Variants in MEI1 observed in about 807,000 individuals in gnomAD.
MEI1 encodes meiotic double-stranded break formation protein 1.
In MEI1, 103 loss-of-function variants were observed where a neutral mutation model predicts 146.2. The ratio of observed to expected loss-of-function variants is 0.70; its 90% CI spans 0.60 to 0.83. MEI1 has a LOEUF of 0.83. MEI1 is among the 40% of genes least tolerant of loss of function. MEI1 has a pLI of 0.00. For synonymous variants in MEI1, 652 were observed against 628.2 expected, an observed-to-expected ratio of 1.04 and a Z score of -0.57; for missense variants, 1,529 against 1,533.0, an observed-to-expected ratio of 1.00 and a Z score of 0.04.
intron 28 of MEI1, 83 bp downstream of exon 28, chr22:41,794,560 G>C: frequency 8.8e-7 from 1 of 1,133,366 alleles, no homozygotes; most frequent in Non-Finnish European, 1.3e-6. Context: ...CCTTACTTTA[G>C]GTAACCCTAA....
intron 8 of MEI1, 75 bp from the exon 9 acceptor site, chr22:41,730,446 A>G (rs1056129973): frequency 1.0e-6 from 1 of 957,956 alleles, no homozygotes; most frequent in African/African-American, 1.6e-5. Flanking sequence ...GAATAAATCC[A>G]AGGCCTTAGC....
intron 3 of MEI1, among the ~76,000 whole-genome samples, chr22:41,706,332 T>C (rs1005304857): frequency 1.1e-4 from 16 of 152,244 alleles, no homozygotes; most frequent in African/African-American, 3.6e-4. Flanking sequence ...ATTTTTTCCT[T>C]GGGTATTTAC....
intron 3 of MEI1, among the ~76,000 whole-genome samples, chr22:41,707,006 C>T (rs1281043266): frequency 1.5e-5 from 2 of 134,334 alleles, no homozygotes. Flanking sequence ...GCCTGGCCAA[C>T]ATGGTGAAAC....
In MEI1 at chr22:41,771,046, C is replaced by G. The variant is rs2148050240; in HGVS notation, c.2544+85C>G. On this transcript the variant is annotated intron_variant, in intron 20 of 30. Transcript: ENST00000401548. Reference sequence around the variant, plus strand: ...CCGGTTTACTGAGGTCAGGAGGCACCCACATCTGCTTCAGCCCACCTCCAG... The same window carrying G: ...CCGGTTTACTGAGGTCAGGAGGCACGCACATCTGCTTCAGCCCACCTCCAG... The G allele has an allele frequency of 2.7e-6, 4 of 1,455,240 alleles. No individual in the cohort carries two copies. In the East Asian group the frequency reaches 9.1e-5, roughly 33 times the overall value. 90.1% of individuals were successfully genotyped at this position (1,455,240 alleles called of 1,614,324 possible). A position where few individuals can be genotyped will look rare whatever the true frequency, so the allele number is the denominator to read the frequency against.
chr22:41,769,532 G>A (rs1348294013), intron 19 of MEI1, among the ~76,000 whole-genome samples: 1 of 151,838 alleles, frequency 6.6e-6, no homozygotes, highest in Non-Finnish European at 1.5e-5. Context: ...GAGTGCAATG[G>A]CGTGATCTTG....
chr22:41,724,699 G>C (rs1293946168), intron 7 of MEI1, among the ~76,000 whole-genome samples: 1 of 152,122 alleles, frequency 6.6e-6, no homozygotes, highest in Non-Finnish European at 1.5e-5. Context: ...GCTGAGGTGG[G>C]AGGATTGCTC....
intron 12 of MEI1, among the ~76,000 whole-genome samples, chr22:41,743,806 G>C (rs771049593): frequency 6.6e-6 from 1 of 152,124 alleles, no homozygotes; most frequent in Non-Finnish European, 1.5e-5. Flanking sequence ...ACAGCTTTCT[G>C]CATATAATAG....
At chr22:41,741,354 TAGTC>T (rs2072854182) in intron 11 of MEI1, among the ~76,000 whole-genome samples, 1 of 152,202 alleles carries the variant, frequency 6.6e-6, no homozygotes, top group Admixed American at 6.5e-5. Context: ...CCCTGTGAAA[TAGTC>T]ATTCATTCAT....
intron 19 of MEI1, among the ~76,000 whole-genome samples, chr22:41,764,221 A>G (rs1175867135): frequency 6.6e-6 from 1 of 152,110 alleles, no homozygotes; most frequent in African/African-American, 2.4e-5. Context: ...CGGCCTCCCA[A>G]AGTGCTGGGA....
intron 3 of MEI1, among the ~76,000 whole-genome samples, chr22:41,713,254 G>C (rs1278016621): frequency 6.6e-6 from 1 of 152,102 alleles, no homozygotes; most frequent in Non-Finnish European, 1.5e-5. Flanking sequence ...GAGGACTGCT[G>C]AAGCCCAGGC....
chr22:41,770,517 A>C (rs2075117523), intron 19 of MEI1, among the ~76,000 whole-genome samples, 169 bp from the exon 20 acceptor site: 1 of 152,134 alleles, frequency 6.6e-6, no homozygotes, highest in South Asian at 2.1e-4. Flanking sequence ...TTCTGTTATA[A>C]GGTAAGTACA....
intron 18 of MEI1, among the ~76,000 whole-genome samples, chr22:41,760,137 G>A (rs1044654771): frequency 6.6e-6 from 1 of 151,608 alleles, no homozygotes; most frequent in Non-Finnish European, 1.5e-5. Context: ...GTGAAACCCC[G>A]TCTCTACTAA....
At chr22:41,715,389 TAAC>T (rs978818502) in intron 4 of MEI1, among the ~76,000 whole-genome samples, 25 of 151,948 alleles carry the variant, frequency 1.6e-4, no homozygotes, top group Non-Finnish European at 2.9e-4. Flanking sequence ...ATAACTATGA[TAAC>T]AATAATTTTT....
intron 26 of MEI1, 104 bp from the exon 27 acceptor site, chr22:41,793,725 T>C: frequency 1.0e-6 from 1 of 998,032 alleles, no homozygotes; most frequent in South Asian, 1.7e-5. Flanking sequence ...AAATCTGAAA[T>C]TCTGAAATCC....
chr22:41,700,085 G>A (rs2068580232), intron 1 of MEI1, among the ~76,000 whole-genome samples: 1 of 147,976 alleles, frequency 6.8e-6, no homozygotes, highest in South Asian at 2.1e-4. Context: ...TCAGGCTCCC[G>A]CCATTTCAGC....
chr22:41,748,416 G>C (rs910155948), intron 15 of MEI1, among the ~76,000 whole-genome samples, 198 bp downstream of exon 15: 1 of 152,194 alleles, frequency 6.6e-6, no homozygotes, highest in Non-Finnish European at 1.5e-5. Context: ...GGGCGTGGTA[G>C]CTCATGCCTG....
chr22:41,789,053 C>T (rs2076084854), intron 26 of MEI1, among the ~76,000 whole-genome samples: 1 of 152,174 alleles, frequency 6.6e-6, no homozygotes, highest in South Asian at 2.1e-4. Context: ...GTGGCTCATG[C>T]CTGTAATCTC....
intron 7 of MEI1, among the ~76,000 whole-genome samples, chr22:41,727,898 C>T (rs1226344073): frequency 6.6e-6 from 1 of 152,094 alleles, no homozygotes; most frequent in Non-Finnish European, 1.5e-5. Flanking sequence ...TTATGGGGGA[C>T]TGGCCGTTCA....
At chr22:41,789,675 C>T (rs988210785) in intron 26 of MEI1, among the ~76,000 whole-genome samples, 3 of 152,116 alleles carry the variant, frequency 2.0e-5, no homozygotes, top group Admixed American at 6.5e-5. Context: ...TACCATTTTA[C>T]TTGCTATCTC....
Sources: allele counts gnomAD v4.1 joint callset (sites outside exome capture counted in the v4.1 genomes callset), GRCh38; gene constraint gnomAD v4.1.1; transcripts MANE v1.5; gene names NCBI Gene and HGNC (gene_info 2026-07-23, HGNC 2026-07-21).